ERBB4: variants seen among roughly 807,000 people sequenced by gnomAD.
The protein encoded by ERBB4 is receptor tyrosine-protein kinase erbB-4.
ERBB4 carries 42 observed loss-of-function variants against 158.0 expected under a neutral mutation model. That is an observed-to-expected ratio of 0.27 (90% confidence interval 0.21 to 0.34). ERBB4 has a LOEUF of 0.34. Among genes scored for constraint, ERBB4 ranks in the 10% least tolerant of loss-of-function variants. The pLI, the probability that ERBB4 is intolerant of heterozygous loss-of-function variation, is 1.00. For synonymous variants in ERBB4, 583 were observed against 558.7 expected (o/e 1.04, Z -0.61); for missense variants, 1,333 against 1,624.1 (o/e 0.82, Z 3.08).
chr2:211,862,475 C>T (rs2078085721), intron 3 of ERBB4, among the ~76,000 whole-genome samples: 1 of 151,810 alleles, frequency 6.6e-6, no homozygotes, highest in Non-Finnish European at 1.5e-5. Context: ...TCAAACATAA[C>T]TTCTACAGAA....
At chr2:211,501,990 C>G (rs1345554892) in intron 20 of ERBB4, among the ~76,000 whole-genome samples, 1 of 152,052 alleles carries the variant, frequency 6.6e-6, no homozygotes, top group Non-Finnish European at 1.5e-5. Flanking sequence ...TAAAATGAAT[C>G]AAACTCTTCT....
rs577996851 is a variant in ERBB4, at chr2:212,147,721, C to G, written c.83-22818G>C. 1.4e-3 allele frequency among the ~76,000 whole-genome samples: 219 copies of G among 152,142 alleles called. 1 individual carries two copies. Among genetic ancestry groups the G allele is most frequent in the Non-Finnish European group, 2.6e-3 (179 of 67,988 alleles). Reference sequence around the variant, plus strand: ...GACTTCTCAGAAATAAAATCAAATCCAATAAAATCAAATTTTGTTAGTTTG... The same window carrying G: ...GACTTCTCAGAAATAAAATCAAATCGAATAAAATCAAATTTTGTTAGTTTG... On this transcript the variant is annotated intron_variant, in intron 1 of 27. Transcript: ENST00000342788.
intron 25 of ERBB4, among the ~76,000 whole-genome samples, chr2:211,401,365 T>C (rs184858910): frequency 3.9e-5 from 6 of 152,170 alleles, no homozygotes; most frequent in Admixed American, 2.0e-4. Context: ...TTACAGAGTA[T>C]AGGTTGGCAT....
intron 2 of ERBB4, among the ~76,000 whole-genome samples, chr2:212,107,178 C>T (rs1188137150): frequency 1.3e-5 from 2 of 152,218 alleles, no homozygotes; most frequent in African/African-American, 2.4e-5. Context: ...CACAGACACT[C>T]AGTGCCAGTC....
At chr2:211,703,963 G>T (rs1377596320) in intron 11 of ERBB4, 141 bp downstream of exon 11, 2 of 708,790 alleles carry the variant, frequency 2.8e-6, no homozygotes, top group African/African-American at 1.7e-5. Context: ...TATTTTTATT[G>T]AGCTTATCTT....
chr2:212,330,344 G>A (rs1035970174), intron 1 of ERBB4, among the ~76,000 whole-genome samples: 10 of 152,068 alleles, frequency 6.6e-5, no homozygotes, highest in African/African-American at 2.4e-4. Flanking sequence ...GGGGCTAGCC[G>A]TGGTGGCTCA....
intron 6 of ERBB4, among the ~76,000 whole-genome samples, chr2:211,723,529 G>T (rs1018273425): frequency 4.6e-5 from 7 of 151,972 alleles, no homozygotes; most frequent in Non-Finnish European, 1.0e-4. Context: ...ATCAATTGTT[G>T]TTTTAGCAAG....
At position 211,375,909 on chromosome 2, in the gene ERBB4, G is replaced by A. The variant is rs2062464429; in HGVS notation, c.*7706C>T. On this transcript the variant is annotated 3_prime_UTR_variant, in exon 28 of 28. Coordinates refer to ENST00000342788, the MANE Select transcript of ERBB4 (RefSeq NM_005235.3). ...CAATTCTTTCCCAAGAGCCAAAAGA[G>A]GATCCTTGAGAACTAACGGAAAAGC... 4.3e-6 allele frequency: 1 copy of A among 232,600 alleles called. No individual in the cohort carries two copies. The highest frequency in any genetic ancestry group is 2.2e-5 in the African/African-American group (1 of 45,222). The allele number at this position is 232,600 out of a possible 1,614,324, so 14.4% of individuals were successfully genotyped here.
intron 19 of ERBB4, among the ~76,000 whole-genome samples, chr2:211,618,814 G>A (rs2069487963): frequency 6.6e-6 from 1 of 151,982 alleles, no homozygotes; most frequent in Admixed American, 6.6e-5. Flanking sequence ...AAATGCAATT[G>A]GTTTTCCGTT....
chr2:211,830,934 T>C (rs932750501), intron 3 of ERBB4, among the ~76,000 whole-genome samples: 1 of 152,042 alleles, frequency 6.6e-6, no homozygotes, highest in Admixed American at 6.6e-5. Flanking sequence ...ATACTGATGG[T>C]CATATATTCT....
intron 16 of ERBB4, among the ~76,000 whole-genome samples, chr2:211,643,490 A>G (rs1330595231): frequency 1.3e-5 from 2 of 152,152 alleles, no homozygotes; most frequent in Non-Finnish European, 2.9e-5. Flanking sequence ...GTAGGCAAGG[A>G]AGATACTAAC....
chr2:211,492,154 G>A (rs1022071438), intron 20 of ERBB4, among the ~76,000 whole-genome samples: 5 of 152,064 alleles, frequency 3.3e-5, no homozygotes, highest in African/African-American at 1.2e-4. Context: ...TCAGTCAGAA[G>A]GCTAGACTGC....
In ERBB4 at chr2:211,640,660, T is replaced by C. The variant is rs115767913; in HGVS notation, c.1947-10066A>G. 4.7e-3 allele frequency among the ~76,000 whole-genome samples: 717 copies of C among 152,216 alleles called. 7 individuals are homozygous for C. The highest frequency in any genetic ancestry group is 0.016 in the African/African-American group (683 of 41,518). ...ATTAAAATATAATTATGCGGTTATA[T>C]TAGGAAAATTATTCTGGTAGAAAGT... On this transcript the variant is annotated intron_variant, in intron 16 of 27. Coordinates refer to ENST00000342788, the MANE Select transcript of ERBB4 (RefSeq NM_005235.3).
intron 1 of ERBB4, among the ~76,000 whole-genome samples, chr2:212,151,061 A>G (rs11886035): frequency 6.6e-6 from 1 of 152,066 alleles, no homozygotes; most frequent in African/African-American, 2.4e-5. Flanking sequence ...AATATTTCAT[A>G]TATTAAATAT....
chr2:211,524,135 C>T (rs1262176232), intron 20 of ERBB4, among the ~76,000 whole-genome samples: 3 of 151,996 alleles, frequency 2.0e-5, no homozygotes, highest in African/African-American at 7.2e-5. Context: ...ATTTACGATC[C>T]CTGAGCTAGA....
intron 13 of ERBB4, among the ~76,000 whole-genome samples, chr2:211,674,590 T>C (rs2071980372): frequency 6.6e-6 from 1 of 152,156 alleles, no homozygotes. Flanking sequence ...TAAATTTTCT[T>C]AATTTTAAAA....
chr2:211,785,077 C>G (rs182825948), intron 4 of ERBB4, among the ~76,000 whole-genome samples: 12 of 150,432 alleles, frequency 8.0e-5, no homozygotes, highest in Admixed American at 7.9e-4. Context: ...GTTGATTGTA[C>G]CTTTTGATGC....
chr2:211,885,991 A>T (rs2078790298), intron 3 of ERBB4, among the ~76,000 whole-genome samples: 1 of 152,206 alleles, frequency 6.6e-6, no homozygotes, highest in Non-Finnish European at 1.5e-5. Context: ...TAAATTTTCT[A>T]TACGTCAAAT....
At chr2:211,985,041 A>T (rs2081903535) in intron 2 of ERBB4, among the ~76,000 whole-genome samples, 1 of 152,268 alleles carries the variant, frequency 6.6e-6, no homozygotes, top group Middle Eastern at 3.4e-3. Flanking sequence ...TTCATGGTAA[A>T]TGTAACATAA....
Sources: gnomAD v4.1 joint callset for allele counts (sites outside exome capture counted in the v4.1 genomes callset) on GRCh38, gnomAD v4.1.1 for gene constraint, MANE v1.5 for transcripts, NCBI Gene and HGNC (gene_info 2026-07-23, HGNC 2026-07-21) for gene names.